The following CAMK1D variants were observed in gnomAD, a reference collection of about 807,000 sequenced individuals.
CAMK1D encodes the protein calcium/calmodulin-dependent protein kinase type 1D.
In CAMK1D, 9 loss-of-function variants were observed where a neutral mutation model predicts 47.7. The observed-to-expected ratio is 0.19, with a 90% CI of 0.11 to 0.33. The LOEUF (loss-of-function observed/expected upper bound fraction) is 0.33. Ranked by LOEUF, CAMK1D falls within the 10% of genes least tolerant of loss-of-function variation. The probability of loss-of-function intolerance (pLI) is 1.00; values close to 1 mark genes in which losing one functional copy is unlikely to be tolerated. For synonymous variants in CAMK1D, 184 were observed against 184.9 expected, an observed-to-expected ratio of 0.99 and a Z score of 0.04; for missense variants, 291 against 488.7, an observed-to-expected ratio of 0.60 and a Z score of 3.81.
At chr10:12,677,656 A>AG (rs34596268) in intron 3 of CAMK1D, among the ~76,000 whole-genome samples, 3,693 of 152,044 alleles carry the variant, frequency 0.024, 164 homozygotes, top group African/African-American at 0.084. Context: ...TACCACTAGA[A>AG]GGGTTAGGGA....
At chr10:12,790,948 A>G (rs1327722673) in intron 5 of CAMK1D, among the ~76,000 whole-genome samples, 3 of 152,096 alleles carry the variant, frequency 2.0e-5, no homozygotes, top group East Asian at 3.9e-4. Context: ...GTGAGCCATG[A>G]TTGTGCCACT....
At chr10:12,572,120 C>T (rs368710363) in intron 2 of CAMK1D, among the ~76,000 whole-genome samples, 1 of 149,884 alleles carries the variant, frequency 6.7e-6, no homozygotes, top group Non-Finnish European at 1.5e-5. Flanking sequence ...TTTGTTGTCA[C>T]TTTTTCTCAG....
In CAMK1D at chr10:12,530,271, G is replaced by A. The variant is rs183690601; in HGVS notation, c.93-22954G>A. Among the ~76,000 whole-genome samples the A allele has an allele frequency of 5.3e-5, 8 of 152,332 alleles. No homozygotes were observed. In the East Asian group the frequency reaches 1.5e-3, roughly 29 times the overall value. ...TGCTTCCTTTAGGCTGCGAGTGGGGGGCCCTAGGCAGGCTGAACTCTCAGA... is the reference window on the plus strand; with the variant it reads ...TGCTTCCTTTAGGCTGCGAGTGGGGAGCCCTAGGCAGGCTGAACTCTCAGA... On this transcript the variant is annotated intron_variant, in intron 1 of 10. Transcript: ENST00000619168.
chr10:12,767,447 G>C (rs548934421), intron 4 of CAMK1D, among the ~76,000 whole-genome samples: 2 of 152,252 alleles, frequency 1.3e-5, no homozygotes, highest in African/African-American at 4.8e-5. Flanking sequence ...AAAGTGCTGG[G>C]ATTACAGGCA....
rs1184412234 is a variant in CAMK1D at position 12,831,261 on chromosome 10, G to A, written c.*2374G>A. The A allele has an allele frequency of 6.6e-6, 1 of 152,238 alleles. No individual in the cohort carries two copies. Among genetic ancestry groups the A allele is most frequent in the Non-Finnish European group, 1.5e-5 (1 of 68,058 alleles). 9.4% of individuals were successfully genotyped at this position (152,238 alleles called of 1,614,324 possible). A position where few individuals can be genotyped will look rare whatever the true frequency, so the allele number is the denominator to read the frequency against. On this transcript the variant is annotated 3_prime_UTR_variant, in exon 11 of 11. Coordinates refer to ENST00000619168, the MANE Select transcript of CAMK1D (RefSeq NM_153498.4). ...ATGCAATGAATGAATATTATAAGCA[G>A]TATTGGAGAACTAGGCGGTTGCTTA...
At chr10:12,636,414 A>G (rs72771760) in intron 2 of CAMK1D, among the ~76,000 whole-genome samples, 2,355 of 152,146 alleles carry the variant, frequency 0.015, 25 homozygotes, top group Non-Finnish European at 0.027. Flanking sequence ...CGCAGCCTTG[A>G]CCTCTGGGGC....
At chr10:12,825,103 G>A (rs1337799744) in intron 9 of CAMK1D, among the ~76,000 whole-genome samples, 1 of 564 alleles carries the variant, frequency 1.8e-3, no homozygotes, top group Non-Finnish European at 4.0e-3. Flanking sequence ...CTGGCCTGCT[G>A]TATTCATAGG....
At chr10:12,681,318 A>T (rs925640930) in intron 3 of CAMK1D, among the ~76,000 whole-genome samples, 2 of 152,178 alleles carry the variant, frequency 1.3e-5, no homozygotes, top group Non-Finnish European at 2.9e-5. Flanking sequence ...TGCCTGCCCC[A>T]ATCCTGGGCT....
At chr10:12,360,515 C>T (rs1446163164) in intron 1 of CAMK1D, among the ~76,000 whole-genome samples, 1 of 152,168 alleles carries the variant, frequency 6.6e-6, no homozygotes, top group Admixed American at 6.5e-5. Context: ...TGAAAGAAGA[C>T]TGCTTCAAAT....
intron 3 of CAMK1D, among the ~76,000 whole-genome samples, chr10:12,729,213 C>T (rs929785501): frequency 2.6e-5 from 4 of 152,104 alleles, no homozygotes; most frequent in African/African-American, 7.2e-5. Context: ...GCTGAGTGCC[C>T]GTGGCTGTTC....
intron 9 of CAMK1D, among the ~76,000 whole-genome samples, 154 bp from the exon 10 acceptor site, chr10:12,825,419 G>A (rs892307219): frequency 4.6e-5 from 7 of 152,126 alleles, no homozygotes; most frequent in African/African-American, 1.7e-4. Context: ...ACTTTTAGAA[G>A]AAGGGACAAC....
At position 12,835,316 on chromosome 10, in the gene CAMK1D, A is replaced by G. The variant is rs1833488166; in HGVS notation, c.*6429A>G. On this transcript the variant is annotated 3_prime_UTR_variant, in exon 11 of 11. Coordinates refer to ENST00000619168, the MANE Select transcript of CAMK1D (RefSeq NM_153498.4). ...CAATTGGTTCAATTTTCCCATAAAA[A>G]CATGTTTGTCCAAAAGAAGGGAAAC... The G allele has an allele frequency of 6.6e-6, 1 of 152,210 alleles. No homozygotes were observed. The allele number at this position is 152,210 out of a possible 1,614,324, so 9.4% of individuals were successfully genotyped here. A position where few individuals can be genotyped will look rare whatever the true frequency, so the allele number is the denominator to read the frequency against.
intron 1 of CAMK1D, among the ~76,000 whole-genome samples, chr10:12,492,669 C>T (rs1471405782): frequency 6.6e-6 from 1 of 152,186 alleles, no homozygotes; most frequent in African/African-American, 2.4e-5. Context: ...AATGCACGCA[C>T]AGCCACTGTT....
At chr10:12,685,412 T>C (rs1832621751) in intron 3 of CAMK1D, among the ~76,000 whole-genome samples, 2 of 152,200 alleles carry the variant, frequency 1.3e-5, no homozygotes, top group African/African-American at 4.8e-5. Flanking sequence ...CAGATATATC[T>C]GAGTTTCTGC....
intron 2 of CAMK1D, among the ~76,000 whole-genome samples, chr10:12,614,319 G>A (rs1241444152): frequency 6.6e-6 from 1 of 152,222 alleles, no homozygotes; most frequent in African/African-American, 2.4e-5. Flanking sequence ...TAGCTTTGTT[G>A]TTGTTGTGTG....
intron 7 of CAMK1D, 55 bp downstream of exon 7, chr10:12,814,362 G>A (rs1832719835): frequency 8.9e-7 from 1 of 1,119,212 alleles, no homozygotes; most frequent in Admixed American, 1.7e-5. Flanking sequence ...CTTACACCCA[G>A]ACCACGTGAC....
intron 1 of CAMK1D, among the ~76,000 whole-genome samples, chr10:12,477,475 G>C (rs756651745): frequency 6.6e-6 from 1 of 152,202 alleles, no homozygotes; most frequent in Admixed American, 6.5e-5. Flanking sequence ...GATGACTGGG[G>C]AAGACGAAAG....
intron 2 of CAMK1D, among the ~76,000 whole-genome samples, chr10:12,571,290 A>G (rs1837316042): frequency 6.6e-6 from 1 of 151,876 alleles, no homozygotes; most frequent in Non-Finnish European, 1.5e-5. Flanking sequence ...TATGAGGAAA[A>G]TACAAAAAAT....
At position 12,698,673 on chromosome 10, in the gene CAMK1D, ATTTTTT is replaced by A. The variant is rs573723767; in HGVS notation, c.299+31876_299+31881del. ...GAAGAAAAATGATGCCCTTTAAAGA[ATTTTTT>A]TTTTTTTTTTTTGAGACGGAGTGTC... On this transcript the variant is annotated intron_variant, in intron 3 of 10. Coordinates refer to ENST00000619168, the MANE Select transcript of CAMK1D (RefSeq NM_153498.4). 7.2e-3 allele frequency among the ~76,000 whole-genome samples: 753 copies of A among 103,928 alleles called. 6 individuals carry two copies. Among genetic ancestry groups the A allele is most frequent in the African/African-American group, 0.024 (682 of 28,276 alleles). 68.2% of individuals were successfully genotyped at this position (103,928 alleles called of 152,430 possible).
Sources: gnomAD v4.1 joint callset for allele counts (sites outside exome capture counted in the v4.1 genomes callset) on GRCh38, gnomAD v4.1.1 for gene constraint, MANE v1.5 for transcripts, NCBI Gene and HGNC (gene_info 2026-07-23, HGNC 2026-07-21) for gene names.